The following MAPK8 variants were observed in gnomAD, a reference collection of about 807,000 sequenced individuals.
MAPK8 encodes the protein mitogen-activated protein kinase 8.
MAPK8 carries 13 observed loss-of-function variants against 52.9 expected under a neutral mutation model. That is an observed-to-expected ratio of 0.25 (90% CI 0.16 to 0.39). The LOEUF (loss-of-function observed/expected upper bound fraction) is 0.39. Ranked by LOEUF, MAPK8 falls within the 10% of genes least tolerant of loss-of-function variation. MAPK8 has a pLI of 1.00. For missense variants in MAPK8, 300 were observed against 519.2 expected, an observed-to-expected ratio of 0.58 and a Z score of 4.10; for synonymous variants, 191 against 169.8, an observed-to-expected ratio of 1.12 and a Z score of -0.97.
intron 1 of MAPK8, among the ~76,000 whole-genome samples, chr10:48,323,804 T>A (rs1843214748): frequency 2.0e-5 from 3 of 152,210 alleles, no homozygotes; most frequent in Non-Finnish European, 4.4e-5. Flanking sequence ...TGGTTGATAT[T>A]TTAAACTTTT....
chr10:48,426,243 T>G, intron 8 of MAPK8, 137 bp from the exon 9 acceptor site: 1 of 872,126 alleles, frequency 1.1e-6, no homozygotes, highest in Non-Finnish European at 1.6e-6. Context: ...CTTATATATT[T>G]TAATCATATG....
chr10:48,313,106 C>T (rs1842131105), intron 1 of MAPK8, among the ~76,000 whole-genome samples: 1 of 152,104 alleles, frequency 6.6e-6, no homozygotes, highest in African/African-American at 2.4e-5. Context: ...AGGTTGTAGC[C>T]TCATGATTAA....
chr10:48,424,449 TTC>T (rs993956435), intron 7 of MAPK8: 6 of 1,090,992 alleles, frequency 5.5e-6, no homozygotes, highest in African/African-American at 3.2e-5. Flanking sequence ...GTGATTTTAT[TTC>T]TTTCTTTTTT....
rs933003988 is a variant in MAPK8 at position 48,434,929 on chromosome 10, C to G, written c.1184C>G (p.Ser395Cys). ...TCTCAGCATCCATCATCATCGTCGT[C>G]TGTCAATGATGTGTCTTCAATGTCA... The part of the protein sequence containing the change: ...NGSQHPSSSS[S>C]VNDVSSMSTD... The change falls in exon 12 of 12, where the codon TCT becomes TGT. Residue 395 changes from serine (S) to cysteine (C), a missense_variant. Ser to Cys is a moderately radical substitution (Grantham distance 112, BLOSUM62 -1). Transcript: ENST00000374189. The G allele has an allele frequency of 1.9e-6, 3 of 1,613,184 alleles. No individual in the cohort carries two copies. The African/African-American group carries it at 4.0e-5, about 22-fold the overall frequency.
At chr10:48,359,231 A>T (rs1847299676) in intron 1 of MAPK8, among the ~76,000 whole-genome samples, 1 of 152,118 alleles carries the variant, frequency 6.6e-6, no homozygotes, top group Non-Finnish European at 1.5e-5. Context: ...TTATCTCTTA[A>T]AAATACGCAT....
At chr10:48,362,655 A>G (rs1389966942) in intron 1 of MAPK8, among the ~76,000 whole-genome samples, 1 of 152,094 alleles carries the variant, frequency 6.6e-6, no homozygotes, top group Non-Finnish European at 1.5e-5. Context: ...TTTTATGAAC[A>G]AGAAAAATGT....
In MAPK8 at chr10:48,435,048, G is replaced by C. The variant is rs765524640; in HGVS notation, c.*19G>C. The C allele has an allele frequency of 1.3e-6, 2 of 1,502,208 alleles. No individual in the cohort carries two copies. The highest frequency in any genetic ancestry group is 2.4e-5 in the East Asian group (1 of 40,972). 93.1% of individuals were successfully genotyped at this position (1,502,208 alleles called of 1,614,324 possible). ...TAGATGACTACTTGGGCCATCGGGG[G>C]GTGGGAGGGATGGGGAGTCGGTTAG... On this transcript the variant is annotated 3_prime_UTR_variant, in exon 12 of 12. Transcript: ENST00000374189.
At chr10:48,353,318 A>T (rs969222504) in intron 1 of MAPK8, among the ~76,000 whole-genome samples, 3 of 152,212 alleles carry the variant, frequency 2.0e-5, no homozygotes, top group African/African-American at 7.2e-5. Flanking sequence ...GTGGGAGGAA[A>T]CACTCTATAC....
chr10:48,378,864 C>T (rs2040824922), intron 1 of MAPK8, among the ~76,000 whole-genome samples: 1 of 152,116 alleles, frequency 6.6e-6, no homozygotes, highest in South Asian at 2.1e-4. Flanking sequence ...TTCCTGGGCT[C>T]AAGTGATCCT....
intron 1 of MAPK8, among the ~76,000 whole-genome samples, chr10:48,307,886 C>T (rs1250395998): frequency 6.6e-6 from 1 of 152,124 alleles, no homozygotes; most frequent in Non-Finnish European, 1.5e-5. Flanking sequence ...AGTATCCTTT[C>T]ATGGAAGAGG....
chr10:48,384,972 T>C (rs2041222971), intron 1 of MAPK8, among the ~76,000 whole-genome samples: 1 of 149,354 alleles, frequency 6.7e-6, no homozygotes, highest in African/African-American at 2.5e-5. Context: ...GAAGAGAGGC[T>C]CATATTTTTA....
chr10:48,431,067 A>C, intron 10 of MAPK8, 126 bp from the exon 11 acceptor site: 1 of 675,858 alleles, frequency 1.5e-6, no homozygotes, highest in Non-Finnish European at 2.7e-6. Flanking sequence ...CATTTAACTG[A>C]CTGTCATTGT....
In MAPK8 at chr10:48,395,412, TA is replaced by T. The variant is rs994444010; in HGVS notation, c.-49-6198del. ...AAGGCAATTCAGTGGAGGAAACTGG[TA>T]ATCTTTTTAACAAATGATTTTTGGA... On this transcript the variant is annotated intron_variant, in intron 1 of 11. Transcript: ENST00000374189. Among the ~76,000 whole-genome samples the T allele has an allele frequency of 3.9e-5, 6 of 152,176 alleles. No individual in the cohort carries two copies. The South Asian group carries it at 1.0e-3, about 26-fold the overall frequency.
At chr10:48,318,955 A>C (rs1842745605) in intron 1 of MAPK8, among the ~76,000 whole-genome samples, 2 of 152,222 alleles carry the variant, frequency 1.3e-5, no homozygotes. Flanking sequence ...TGTGGCAGTG[A>C]GAATTCAGAG....
chr10:48,329,524 AAAATT>A (rs965439822), intron 1 of MAPK8, among the ~76,000 whole-genome samples: 4 of 152,122 alleles, frequency 2.6e-5, no homozygotes, highest in Non-Finnish European at 5.9e-5. Flanking sequence ...TTTTAAAAAA[AAAATT>A]AAATTCATTT....
Position 48,420,310 on chromosome 10 carries a change from C to T in MAPK8, c.606C>T (p.Tyr202=). ...RAPEVILGMG[Y]KENVDLWSVG... ...CCGAGGTCATCCTTGGCATGGGCTA[C>T]AAGGAAAACGGTCAGCACACACATT... Residue 202 remains tyrosine, a synonymous_variant, in exon 6 of 12, where the codon TAC becomes TAT. Coordinates refer to ENST00000374189, the MANE Select transcript of MAPK8 (RefSeq NM_001323329.2). 1.2e-6 allele frequency: 2 copies of T among 1,607,878 alleles called. No homozygotes were observed. Among genetic ancestry groups the T allele is most frequent in the South Asian group, 2.2e-5 (2 of 90,176 alleles).
chr10:48,427,127 A>T lies in MAPK8; in HGVS notation c.1044A>T (p.Thr348=), dbSNP rs55859048. The T allele has an allele frequency of 6.2e-7, 1 of 1,612,924 alleles. No individual in the cohort carries two copies. The change falls in exon 10 of 12, where the codon ACA becomes ACT. Residue 348 remains threonine, a synonymous_variant. Coordinates refer to ENST00000374189, the MANE Select transcript of MAPK8 (RefSeq NM_001323329.2). ...PDKQLDEREH[T]IEEWKELIYK... is the part of the protein sequence containing the mutation. ...AGCAGTTAGATGAAAGGGAACACACAATAGAAGAGTGGAAAGGTACATTCG... is the reference window on the plus strand; with the variant it reads ...AGCAGTTAGATGAAAGGGAACACACTATAGAAGAGTGGAAAGGTACATTCG...
At chr10:48,413,858 T>TATTCAATATATATATATATATATAACA (rs1564604097) in intron 5 of MAPK8, among the ~76,000 whole-genome samples, 54 of 133,556 alleles carry the variant, frequency 4.0e-4, no homozygotes, top group South Asian at 9.6e-4. Context: ...TATATATATA[T>TATTCAATATATATATATATATATAACA]ATTCAGAAAT....
intron 5 of MAPK8, among the ~76,000 whole-genome samples, chr10:48,419,922 G>A (rs1201025589): frequency 6.6e-6 from 1 of 151,972 alleles, no homozygotes; most frequent in Non-Finnish European, 1.5e-5. Flanking sequence ...ATAATTTCTA[G>A]CAATTAAAAC....
Sources: allele counts gnomAD v4.1 joint callset (sites outside exome capture counted in the v4.1 genomes callset), GRCh38; gene constraint gnomAD v4.1.1; transcripts MANE v1.5; gene names NCBI Gene and HGNC (gene_info 2026-07-23, HGNC 2026-07-21).